CDH18: variants seen among roughly 807,000 people sequenced by gnomAD.
CDH18 encodes the protein cadherin-18.
Under a neutral mutation model 67.9 loss-of-function variants are expected in CDH18, and 31 were observed. That is an observed-to-expected ratio of 0.46 (90% CI 0.34 to 0.62). The LOEUF is 0.62. Ranked by LOEUF, CDH18 falls within the 20% of genes least tolerant of loss-of-function variation. The pLI is 0.01. For missense variants in CDH18, 890 were observed against 975.5 expected (o/e 0.91, Z 1.17); for synonymous variants, 362 against 347.2 (o/e 1.04, Z -0.48).
At chr5:19,845,675 T>C (rs566610654) in intron 2 of CDH18, among the ~76,000 whole-genome samples, 4 of 152,170 alleles carry the variant, frequency 2.6e-5, no homozygotes, top group African/African-American at 9.6e-5. Flanking sequence ...TTTATATATC[T>C]AGGTGCTCTG....
chr5:19,974,789 T>C (rs1261137877), intron 2 of CDH18, among the ~76,000 whole-genome samples: 1 of 152,086 alleles, frequency 6.6e-6, no homozygotes, highest in Non-Finnish European at 1.5e-5. Flanking sequence ...GCAAATTTAT[T>C]TCTGAAATGT....
At chr5:19,495,864 T>C (rs1742240716) in intron 11 of CDH18, among the ~76,000 whole-genome samples, 1 of 152,110 alleles carries the variant, frequency 6.6e-6, no homozygotes, top group Admixed American at 6.5e-5. Flanking sequence ...CAGCCTTTCT[T>C]CTATAGGTAT....
At chr5:19,758,094 G>A (rs905035778) in intron 3 of CDH18, among the ~76,000 whole-genome samples, 1 of 152,150 alleles carries the variant, frequency 6.6e-6, no homozygotes, top group Non-Finnish European at 1.5e-5. Flanking sequence ...ATGGGCATTT[G>A]AGCCACTTTC....
chr5:19,952,787 A>T (rs1047521321), intron 2 of CDH18, among the ~76,000 whole-genome samples: 2 of 151,696 alleles, frequency 1.3e-5, no homozygotes, highest in Non-Finnish European at 2.9e-5. Flanking sequence ...ATATTCAATG[A>T]TATGAGAGGC....
chr5:19,983,696 C>T (rs1269365810), intron 1 of CDH18, among the ~76,000 whole-genome samples: 1 of 151,792 alleles, frequency 6.6e-6, no homozygotes, highest in Non-Finnish European at 1.5e-5. Context: ...GGCAAATGCT[C>T]CTCTTACACC....
At chr5:20,266,194 G>A (rs1580621172) in intron 1 of CDH18, among the ~76,000 whole-genome samples, 1 of 152,078 alleles carries the variant, frequency 6.6e-6, no homozygotes. Context: ...CCATAATTGA[G>A]TGAGTCAATC....
chr5:20,553,252 C>G (rs188908337), intron 1 of CDH18, among the ~76,000 whole-genome samples: 1 of 152,180 alleles, frequency 6.6e-6, no homozygotes, highest in Non-Finnish European at 1.5e-5. Flanking sequence ...CATGTTTTAT[C>G]TTTATTTACA....
intron 2 of CDH18, among the ~76,000 whole-genome samples, chr5:19,941,822 T>C (rs1794854660): frequency 6.6e-6 from 1 of 151,920 alleles, no homozygotes; most frequent in Non-Finnish European, 1.5e-5. Flanking sequence ...AATCCTCATC[T>C]ACCCTGCCTA....
chr5:20,465,381 T>C (rs923184698), intron 1 of CDH18, among the ~76,000 whole-genome samples: 13 of 152,030 alleles, frequency 8.6e-5, no homozygotes, highest in Non-Finnish European at 1.5e-4. Flanking sequence ...CAAAAATTTA[T>C]TCTTTCTTTT....
At chr5:19,687,077 G>A (rs1761195074) in intron 5 of CDH18, among the ~76,000 whole-genome samples, 1 of 152,156 alleles carries the variant, frequency 6.6e-6, no homozygotes, top group Non-Finnish European at 1.5e-5. Context: ...GGGAAGCAAA[G>A]CAACTAATTT....
At position 19,957,310 on chromosome 5, in the gene CDH18, A is replaced by G. The variant is rs375802908; in HGVS notation, c.-257+23750T>C. 1.6e-3 allele frequency among the ~76,000 whole-genome samples: 248 copies of G among 151,330 alleles called. 2 individuals are homozygous for G. The highest frequency in any genetic ancestry group is 5.7e-3 in the African/African-American group (237 of 41,334). ...CACAAACATGCATATATGTATGTGT[A>G]TATATATGTTTTATATATGTAATTA... On this transcript the variant is annotated intron_variant, in intron 2 of 12. Transcript: ENST00000382275.
intron 2 of CDH18, among the ~76,000 whole-genome samples, chr5:20,254,880 A>C (rs1744111477): frequency 7.2e-6 from 1 of 138,200 alleles, no homozygotes; most frequent in Middle Eastern, 3.5e-3. Context: ...CCATTAATGA[A>C]AGATCGGATA....
intron 8 of CDH18, among the ~76,000 whole-genome samples, chr5:19,561,654 A>AT (rs532757272): frequency 6.6e-5 from 10 of 152,142 alleles, no homozygotes; most frequent in Non-Finnish European, 1.0e-4. Context: ...AACCTATTGA[A>AT]TTTTTTTTAA....
intron 2 of CDH18, among the ~76,000 whole-genome samples, chr5:19,870,108 T>A (rs991689290): frequency 3.9e-5 from 6 of 152,086 alleles, no homozygotes; most frequent in East Asian, 1.9e-4. Context: ...TAGACAAATA[T>A]GTGTGAGATC....
At chr5:19,724,616 A>G (rs1766560347) in intron 4 of CDH18, among the ~76,000 whole-genome samples, 1 of 151,934 alleles carries the variant, frequency 6.6e-6, no homozygotes, top group Non-Finnish European at 1.5e-5. Flanking sequence ...TGGTTATGAT[A>G]TTGCTTTATG....
At chr5:20,116,834 C>T (rs964436015) in intron 2 of CDH18, among the ~76,000 whole-genome samples, 3 of 152,144 alleles carry the variant, frequency 2.0e-5, no homozygotes, top group Admixed American at 2.0e-4. Flanking sequence ...ATCAGAATAA[C>T]TGTATTTGGC....
intron 5 of CDH18, among the ~76,000 whole-genome samples, chr5:19,674,710 T>G (rs1349384898): frequency 2.0e-5 from 3 of 152,166 alleles, no homozygotes; most frequent in Admixed American, 6.6e-5. Context: ...ACTTTATTGT[T>G]GATTTGAAAA....
chr5:20,131,056 T>G (rs192190194), intron 2 of CDH18, among the ~76,000 whole-genome samples: 1 of 152,064 alleles, frequency 6.6e-6, no homozygotes, highest in Non-Finnish European at 1.5e-5. Context: ...TCACTTCATA[T>G]CATTTAAAAA....
intron 2 of CDH18, among the ~76,000 whole-genome samples, chr5:20,114,863 T>TA (rs993703622): frequency 7.2e-5 from 11 of 151,926 alleles, no homozygotes; most frequent in Admixed American, 5.2e-4. Context: ...ATTAAGAATA[T>TA]AAAAAAAATC....
Sources: gnomAD v4.1 joint callset for allele counts (sites outside exome capture counted in the v4.1 genomes callset) on GRCh38, gnomAD v4.1.1 for gene constraint, MANE v1.5 for transcripts, NCBI Gene and HGNC (gene_info 2026-07-23, HGNC 2026-07-21) for gene names.